ZNF69: variants seen among roughly 807,000 people sequenced by gnomAD.
The protein encoded by ZNF69 is ZNF3.
A neutral mutation model predicts 50.9 loss-of-function variants in ZNF69; 47 were observed. That is an observed-to-expected ratio of 0.92 (90% CI 0.73 to 1.18). The LOEUF (loss-of-function observed/expected upper bound fraction) is 1.18, where lower values mean the gene tolerates loss of function less well. Ranked by LOEUF, ZNF69 falls within the 50% of genes most tolerant of loss-of-function variation. The probability of loss-of-function intolerance (pLI) is 0.00; values close to 1 mark genes in which losing one functional copy is unlikely to be tolerated. For missense variants in ZNF69, 717 were observed against 675.1 expected, an observed-to-expected ratio of 1.06 and a Z score of -0.69; for synonymous variants, 216 against 223.1, an observed-to-expected ratio of 0.97 and a Z score of 0.29.
rs911748173 is a variant in ZNF69, at chr19:11,893,659, C to T, written c.63+5673C>T. Among the ~76,000 whole-genome samples, 8 of 152,172 alleles carry T rather than the reference C, an allele frequency of 5.3e-5. No homozygotes were observed. In the South Asian group the frequency reaches 8.3e-4, roughly 16 times the overall value. On this transcript the variant is annotated intron_variant, in intron 1 of 3. Transcript: ENST00000429654. The stretch of plus-strand genomic sequence containing the variant: ...CCTGGTTTTGGGTTTTAGAACTGCC[C>T]GGGGCTGACTCAAGATGCCCACAAC...
At chr19:11,954,335 C>T in the ZNF69 span, among the ~76,000 whole-genome samples, 1 of 152,114 alleles carries the variant, frequency 6.6e-6, no homozygotes, top group Non-Finnish European at 1.5e-5. Context: ...GATGAAGGCT[C>T]CCTCAGAGAG....
At chr19:11,922,670 T>TC in the ZNF69 span, among the ~76,000 whole-genome samples, 151,161 of 152,254 alleles carry the variant, frequency 0.99, 75,038 homozygotes, top group Non-Finnish European at 1. Flanking sequence ...AAGGAGGTCA[T>TC]CCGCCTGGTA....
chr19:11,931,808 TC>T, the ZNF69 span, among the ~76,000 whole-genome samples: 1 of 148,304 alleles, frequency 6.7e-6, no homozygotes, highest in Non-Finnish European at 1.5e-5. Flanking sequence ...TTTTTGGACT[TC>T]AAGAAAATTA....
chr19:11,908,157 C>T (rs117847239), downstream of ZNF69, among the ~76,000 whole-genome samples: 10 of 152,326 alleles, frequency 6.6e-5, no homozygotes, highest in East Asian at 1.2e-3. Context: ...TACAGGAGCA[C>T]TGAGATGCAT....
At chr19:11,956,651 T>G in the ZNF69 span, 1 of 397,496 alleles carries the variant, frequency 2.5e-6, no homozygotes, top group Non-Finnish European at 4.4e-6. Context: ...AGGTAAGGAG[T>G]TTGATACCAA....
intron 1 of ZNF69, among the ~76,000 whole-genome samples, chr19:11,893,946 G>A (rs1977159186): frequency 6.6e-6 from 1 of 152,054 alleles, no homozygotes; most frequent in South Asian, 2.1e-4. Flanking sequence ...ACCGTGAAGG[G>A]AGAAATATCC....
At chr19:11,971,811 C>T in the ZNF69 span, among the ~76,000 whole-genome samples, 1 of 152,094 alleles carries the variant, frequency 6.6e-6, no homozygotes, top group Non-Finnish European at 1.5e-5. Context: ...CGCCTCTAAT[C>T]CCAACACTTT....
the ZNF69 span, among the ~76,000 whole-genome samples, chr19:11,942,923 A>G: frequency 6.6e-6 from 1 of 151,960 alleles, no homozygotes; most frequent in Non-Finnish European, 1.5e-5. Flanking sequence ...CCCTTTGAGA[A>G]TCTCACTTAT....
chr19:11,968,775 G>A, the ZNF69 span, among the ~76,000 whole-genome samples: 3 of 152,082 alleles, frequency 2.0e-5, no homozygotes, highest in Non-Finnish European at 2.9e-5. Context: ...ACCCCAGCAC[G>A]TTGGGAGGCC....
intron 1 of ZNF69, among the ~76,000 whole-genome samples, chr19:11,902,007 G>A (rs953191145): frequency 1.4e-4 from 19 of 134,386 alleles, no homozygotes; most frequent in Non-Finnish European, 2.8e-4. Flanking sequence ...TTGAATCGGA[G>A]TTTCACTCTT....
At chr19:11,937,790 T>C in the ZNF69 span, among the ~76,000 whole-genome samples, 1 of 152,112 alleles carries the variant, frequency 6.6e-6, no homozygotes, top group Non-Finnish European at 1.5e-5. Flanking sequence ...ACCTGGCCTA[T>C]AGATTTTTCT....
chr19:11,955,814 C>T, the ZNF69 span, among the ~76,000 whole-genome samples: 1 of 152,160 alleles, frequency 6.6e-6, no homozygotes, highest in African/African-American at 2.4e-5. Flanking sequence ...TTCCTGTTAT[C>T]TGTGGGGTAA....
At chr19:11,950,375 G>T in the ZNF69 span, 2 of 1,013,026 alleles carry the variant, frequency 2.0e-6, no homozygotes, top group Non-Finnish European at 3.0e-6. Context: ...ACTCACACTG[G>T]GGAGAAACCC....
chr19:11,937,333 A>G, the ZNF69 span, among the ~76,000 whole-genome samples: 2 of 151,992 alleles, frequency 1.3e-5, no homozygotes, highest in Non-Finnish European at 1.5e-5. Flanking sequence ...GTATGCCACC[A>G]TGTCTAATTA....
chr19:11,953,249 T>C, the ZNF69 span: 2 of 152,312 alleles, frequency 1.3e-5, no homozygotes, highest in African/African-American at 4.8e-5. Flanking sequence ...AGTGTTGGAA[T>C]AGCCAAAGAC....
chr19:11,947,573 A>G, the ZNF69 span: 2 of 1,613,208 alleles, frequency 1.2e-6, no homozygotes, highest in South Asian at 2.2e-5. Context: ...AAGAAGCTTC[A>G]GGTAATTTGC....
At chr19:11,895,170 G>A (rs546408930) in intron 1 of ZNF69, among the ~76,000 whole-genome samples, 15 of 152,296 alleles carry the variant, frequency 9.8e-5, no homozygotes, top group Non-Finnish European at 1.8e-4. Flanking sequence ...TTAACTTTAC[G>A]TTGCATTTTT....
chr19:11,893,270 A>C (rs1977139639), intron 1 of ZNF69, among the ~76,000 whole-genome samples: 1 of 152,224 alleles, frequency 6.6e-6, no homozygotes, highest in Admixed American at 6.5e-5. Context: ...AGGGTCTTTA[A>C]GTAGGACCTT....
chr19:11,888,118 C>T (rs1468787079), intron 1 of ZNF69, 132 bp downstream of exon 1: 1 of 752,644 alleles, frequency 1.3e-6, no homozygotes, highest in East Asian at 3.3e-5. Context: ...TGGAGCCGCT[C>T]GGCCCTCGGT....
Sources: allele counts gnomAD v4.1 joint callset (sites outside exome capture counted in the v4.1 genomes callset), GRCh38; gene constraint gnomAD v4.1.1; transcripts MANE v1.5; gene names NCBI Gene and HGNC (gene_info 2026-07-23, HGNC 2026-07-21).